The following GRIN2A variants were observed in gnomAD, a reference collection of about 807,000 sequenced individuals.
GRIN2A encodes the protein glutamate receptor ionotropic, NMDA 2A.
GRIN2A carries 22 observed loss-of-function variants against 113.4 expected under a neutral mutation model. The ratio of observed to expected loss-of-function variants is 0.19; its 90% CI spans 0.14 to 0.28. The LOEUF (loss-of-function observed/expected upper bound fraction) is 0.28. Ranked by LOEUF, GRIN2A falls within the 10% of genes least tolerant of loss-of-function variation. GRIN2A has a pLI of 1.00. For synonymous variants in GRIN2A, 827 were observed against 738.4 expected (o/e 1.12, Z -1.94); for missense variants, 1,502 against 1,887.0 (o/e 0.80, Z 3.78).
intron 2 of GRIN2A, among the ~76,000 whole-genome samples, chr16:10,158,212 C>T (rs946341949): frequency 1.3e-5 from 2 of 152,216 alleles, no homozygotes; most frequent in Admixed American, 6.5e-5. Flanking sequence ...ACCATATTGC[C>T]GAGGCTAGTC....
intron 4 of GRIN2A, among the ~76,000 whole-genome samples, chr16:9,885,027 G>T (rs758630037): frequency 3.0e-4 from 45 of 151,962 alleles, no homozygotes; most frequent in Non-Finnish European, 4.7e-4. Flanking sequence ...GTGAGCCACC[G>T]TGCCCGGCTA....
At chr16:10,128,233 T>C (rs2048986837) in intron 2 of GRIN2A, among the ~76,000 whole-genome samples, 1 of 152,206 alleles carries the variant, frequency 6.6e-6, no homozygotes, top group African/African-American at 2.4e-5. Flanking sequence ...TTAGTCTGTA[T>C]CCTTCAGCTA....
intron 4 of GRIN2A, among the ~76,000 whole-genome samples, chr16:9,854,061 T>C (rs1020106612): frequency 6.6e-6 from 1 of 152,196 alleles, no homozygotes; most frequent in African/African-American, 2.4e-5. Context: ...TTGGTTTCTA[T>C]GTCCACAGCT....
intron 2 of GRIN2A, among the ~76,000 whole-genome samples, chr16:10,164,087 G>A (rs1475715418): frequency 2.0e-5 from 3 of 152,346 alleles, no homozygotes; most frequent in East Asian, 1.9e-4. Context: ...GTTTACTCAC[G>A]TGGTCTTAAG....
Position 10,012,680 on chromosome 16 carries a change from T to C in GRIN2A, c.415-74129A>G, listed in dbSNP as rs149763283. Among the ~76,000 whole-genome samples the C allele has an allele frequency of 2.7e-3, 413 of 152,258 alleles. 5 individuals are homozygous for C. The highest frequency in any genetic ancestry group is 9.6e-3 in the African/African-American group (399 of 41,552). ...GATGGGGAGAAAGGACATTTGAAAG[T>C]AGAGTCTGAGAAAGATATTTGAAGA... On this transcript the variant is annotated intron_variant, in intron 2 of 12. Transcript: ENST00000330684.
At chr16:9,807,353 A>C in intron 10 of GRIN2A, among the ~76,000 whole-genome samples, 1 of 20,866 alleles carries the variant, frequency 4.8e-5, no homozygotes. Flanking sequence ...GTGGAGGGGG[A>C]GAGGGAGGGA....
At chr16:9,879,402 C>T (rs1464740029) in intron 4 of GRIN2A, among the ~76,000 whole-genome samples, 2 of 152,136 alleles carry the variant, frequency 1.3e-5, no homozygotes, top group African/African-American at 4.8e-5. Flanking sequence ...TAGAGACTTA[C>T]ACCTAAAAAA....
intron 3 of GRIN2A, among the ~76,000 whole-genome samples, chr16:9,917,153 G>C (rs541979231): frequency 5.9e-5 from 9 of 152,172 alleles, no homozygotes; most frequent in African/African-American, 9.7e-5. Flanking sequence ...GCTTTCAGTA[G>C]AAACATCACT....
chr16:9,992,968 C>T (rs1024591875), intron 2 of GRIN2A, among the ~76,000 whole-genome samples: 5 of 152,206 alleles, frequency 3.3e-5, no homozygotes, highest in Middle Eastern at 3.4e-3. Context: ...GTAATCCCAG[C>T]GCTTTGGGAG....
intron 2 of GRIN2A, among the ~76,000 whole-genome samples, chr16:9,944,520 T>C (rs1355691233): frequency 6.6e-6 from 1 of 152,148 alleles, no homozygotes; most frequent in East Asian, 1.9e-4. Flanking sequence ...CCAATATCTC[T>C]CTTGGGCATA....
intron 2 of GRIN2A, among the ~76,000 whole-genome samples, chr16:10,135,490 C>T (rs1231814383): frequency 6.6e-6 from 1 of 152,208 alleles, no homozygotes; most frequent in East Asian, 1.9e-4. Context: ...ATTATTCTAG[C>T]CTCTGCCCAA....
At chr16:9,860,680 G>A (rs904675251) in intron 4 of GRIN2A, among the ~76,000 whole-genome samples, 1 of 152,072 alleles carries the variant, frequency 6.6e-6, no homozygotes, top group Non-Finnish European at 1.5e-5. Flanking sequence ...GTGACAAGCT[G>A]GGAGATGGCT....
rs1567353957 is a variant in GRIN2A, at chr16:10,179,978, G to C, written c.414+20C>G. ...TGGTGGCTTCCCAGGTCCTGGCAGG[G>C]CATCAGTTTCCGGCCTTACCTTGTC... On this transcript the variant is annotated intron_variant, in intron 2 of 12. Transcript: ENST00000330684. The C allele has an allele frequency of 6.2e-7, 1 of 1,609,674 alleles. No individual in the cohort carries two copies. The highest frequency in any genetic ancestry group is 2.2e-5 in the East Asian group (1 of 44,850).
intron 2 of GRIN2A, among the ~76,000 whole-genome samples, chr16:10,176,537 A>G (rs940680166): frequency 3.9e-5 from 6 of 152,178 alleles, no homozygotes; most frequent in Non-Finnish European, 8.8e-5. Flanking sequence ...GGATGAGTTC[A>G]TGTCCTTTGT....
intron 2 of GRIN2A, among the ~76,000 whole-genome samples, chr16:10,173,749 C>G (rs1269850383): frequency 6.6e-6 from 1 of 152,106 alleles, no homozygotes; most frequent in South Asian, 2.1e-4. Context: ...GTGGTATGAA[C>G]TGAACACTCT....
At chr16:9,823,656 T>A (rs1415103212) in intron 9 of GRIN2A, among the ~76,000 whole-genome samples, 1 of 152,220 alleles carries the variant, frequency 6.6e-6, no homozygotes, top group East Asian at 1.9e-4. Context: ...TCAGGTCATT[T>A]AATCCTTACA....
intron 2 of GRIN2A, among the ~76,000 whole-genome samples, chr16:10,023,056 G>C (rs1427078425): frequency 6.6e-6 from 1 of 152,134 alleles, no homozygotes; most frequent in Admixed American, 6.5e-5. Context: ...TAAACAACCC[G>C]AGATGATCAG....
intron 2 of GRIN2A, among the ~76,000 whole-genome samples, chr16:10,099,595 C>G (rs1202831328): frequency 1.3e-5 from 2 of 152,162 alleles, no homozygotes; most frequent in African/African-American, 4.8e-5. Flanking sequence ...TAGGACGGGT[C>G]AGAAGAGATC....
chr16:9,892,948 A>AAAGAAG (rs554206395), intron 3 of GRIN2A, among the ~76,000 whole-genome samples: 1 of 146,492 alleles, frequency 6.8e-6, no homozygotes, highest in East Asian at 1.9e-4. Flanking sequence ...AAAAAAAAAA[A>AAAGAAG]AAGAAGAAGA....
Sources: gnomAD v4.1 joint callset for allele counts (sites outside exome capture counted in the v4.1 genomes callset) on GRCh38, gnomAD v4.1.1 for gene constraint, MANE v1.5 for transcripts, NCBI Gene and HGNC (gene_info 2026-07-23, HGNC 2026-07-21) for gene names.